Variants in OSBPL6 observed in about 807,000 individuals in gnomAD.
OSBPL6 encodes oxysterol binding protein like 6, also known as oxysterol-binding protein-related protein 6.
In OSBPL6, 49 loss-of-function variants were observed where a neutral mutation model predicts 125.8. That is an observed-to-expected ratio of 0.39 (90% CI 0.31 to 0.49). The LOEUF is 0.49. Ranked by LOEUF, OSBPL6 falls within the 20% of genes least tolerant of loss-of-function variation. OSBPL6 has a pLI of 0.88. For missense variants in OSBPL6, 986 were observed against 1,135.4 expected (o/e 0.87, Z 1.89); for synonymous variants, 394 against 391.8 (o/e 1.01, Z -0.07).
intron 2 of OSBPL6, among the ~76,000 whole-genome samples, chr2:178,286,318 T>TTATG (rs1382673380): frequency 1.3e-5 from 2 of 152,328 alleles, no homozygotes; most frequent in South Asian, 2.1e-4. Flanking sequence ...ATCTTACAGA[T>TTATG]TATGGCACCT....
chr2:178,284,458 C>A (rs1481050287), intron 1 of OSBPL6, among the ~76,000 whole-genome samples: 1 of 152,122 alleles, frequency 6.6e-6, no homozygotes, highest in Admixed American at 6.5e-5. Flanking sequence ...GAGGCTGAGG[C>A]AGGAGAATCA....
chr2:178,319,677 C>A (rs1434082), intron 3 of OSBPL6, among the ~76,000 whole-genome samples: 29,942 of 152,160 alleles, frequency 0.2, 3,123 homozygotes, highest in Admixed American at 0.32. Context: ...AAACCAGTAA[C>A]TATTAACTGC....
chr2:178,227,162 C>T (rs1442469993), intron 1 of OSBPL6, among the ~76,000 whole-genome samples: 3 of 152,008 alleles, frequency 2.0e-5, no homozygotes, highest in Non-Finnish European at 2.9e-5. Flanking sequence ...GGGTATTTTA[C>T]AGTTACAAAA....
chr2:178,292,793 T>C (rs1685405729), intron 2 of OSBPL6, among the ~76,000 whole-genome samples: 3 of 152,088 alleles, frequency 2.0e-5, no homozygotes, highest in African/African-American at 7.2e-5. Context: ...ATAATATAAA[T>C]ACTGCGTGAG....
At chr2:178,333,654 A>T (rs1453108165) in intron 8 of OSBPL6, among the ~76,000 whole-genome samples, 1 of 152,218 alleles carries the variant, frequency 6.6e-6, no homozygotes, top group Non-Finnish European at 1.5e-5. Context: ...GTAAACATTT[A>T]TTTAATCAAC....
intron 1 of OSBPL6, among the ~76,000 whole-genome samples, chr2:178,216,049 C>A (rs1342233501): frequency 3.3e-5 from 5 of 152,140 alleles, no homozygotes; most frequent in African/African-American, 1.2e-4. Flanking sequence ...TTTGAGGGGG[C>A]TGGCTAGGCA....
chr2:178,267,719 A>T (rs2092278866), intron 1 of OSBPL6, among the ~76,000 whole-genome samples: 1 of 152,172 alleles, frequency 6.6e-6, no homozygotes, highest in South Asian at 2.1e-4. Flanking sequence ...TGCACTAGGC[A>T]TTTAACAGCA....
At chr2:178,210,500 C>A (rs1246460551) in intron 1 of OSBPL6, among the ~76,000 whole-genome samples, 2 of 152,122 alleles carry the variant, frequency 1.3e-5, no homozygotes, top group African/African-American at 4.8e-5. Context: ...GCCTTATATA[C>A]AATGGACATA....
intron 3 of OSBPL6, among the ~76,000 whole-genome samples, chr2:178,308,835 C>G (rs905977834): frequency 6.6e-6 from 1 of 152,168 alleles, no homozygotes; most frequent in Non-Finnish European, 1.5e-5. Flanking sequence ...CTCATCACCT[C>G]TACCCAGGAT....
chr2:178,332,387 G>A (rs954317227), intron 6 of OSBPL6, among the ~76,000 whole-genome samples: 1 of 152,178 alleles, frequency 6.6e-6, no homozygotes, highest in Non-Finnish European at 1.5e-5. Context: ...TGAAGAATTA[G>A]TATTACATTC....
intron 10 of OSBPL6, 26 bp downstream of exon 10, chr2:178,339,120 A>G: frequency 1.4e-6 from 2 of 1,447,924 alleles, no homozygotes; most frequent in Non-Finnish European, 1.9e-6. Context: ...CTGCTGGTAA[A>G]AGGACTTAGG....
chr2:178,262,713 G>A (rs1445902381), intron 1 of OSBPL6, among the ~76,000 whole-genome samples: 1 of 152,160 alleles, frequency 6.6e-6, no homozygotes, highest in Non-Finnish European at 1.5e-5. Flanking sequence ...GTGGAAGAGA[G>A]AAATCTGAAT....
At chr2:178,355,808 C>A (rs928224189) in intron 12 of OSBPL6, among the ~76,000 whole-genome samples, 6 of 152,252 alleles carry the variant, frequency 3.9e-5, no homozygotes, top group Non-Finnish European at 8.8e-5. Context: ...AGACCAATAT[C>A]CCTGATGAAC....
intron 12 of OSBPL6, among the ~76,000 whole-genome samples, chr2:178,354,552 T>C (rs1691591744): frequency 6.6e-6 from 1 of 152,126 alleles, no homozygotes; most frequent in South Asian, 2.1e-4. Context: ...CCTAAATATA[T>C]ATACACCCAA....
rs1696058398 is a variant in OSBPL6 at position 178,400,006 on chromosome 2, T to C, written c.*4447T>C. ...TTTCTAGCCATTCCTTCCTCCCAAA[T>C]AGAAGTGAGGGCAATTGTAGAGAGA... is the stretch of plus-strand genomic sequence containing the variant. On this transcript the variant is annotated 3_prime_UTR_variant, in exon 25 of 25. Transcript: ENST00000190611. 6.6e-6 allele frequency: 1 copy of C among 152,168 alleles called. No individual in the cohort carries two copies. The highest frequency in any genetic ancestry group is 1.5e-5 in the Non-Finnish European group (1 of 68,022). The allele number at this position is 152,168 out of a possible 1,614,324, so 9.4% of individuals were successfully genotyped here. A position where few individuals can be genotyped will look rare whatever the true frequency, so the allele number is the denominator to read the frequency against.
intron 5 of OSBPL6, among the ~76,000 whole-genome samples, chr2:178,330,237 G>A (rs1015906979): frequency 6.6e-5 from 10 of 152,110 alleles, no homozygotes; most frequent in African/African-American, 1.9e-4. Context: ...GGAAAAAACC[G>A]TCAAAGAAAC....
At chr2:178,384,291 C>T (rs979523190) in intron 18 of OSBPL6, 115 bp downstream of exon 18, 16 of 1,338,160 alleles carry the variant, frequency 1.2e-5, no homozygotes, top group East Asian at 2.3e-5. Flanking sequence ...GTTGTGAATT[C>T]GAAGTATCTG....
intron 15 of OSBPL6, among the ~76,000 whole-genome samples, chr2:178,379,348 GAGGGAGGGGAAGGAAGGAA>G: frequency 2.3e-5 from 3 of 130,820 alleles, no homozygotes; most frequent in Non-Finnish European, 4.9e-5. Flanking sequence ...GGGAGGGAGG[GAGGGAGGGGAAGGAAGGAA>G]AGGGAGGGAG....
chr2:178,295,508 G>A (rs1404520279), intron 2 of OSBPL6, among the ~76,000 whole-genome samples: 1 of 152,134 alleles, frequency 6.6e-6, no homozygotes, highest in Non-Finnish European at 1.5e-5. Flanking sequence ...GGTTCACAAC[G>A]CCTGAAATAT....
Sources: allele counts gnomAD v4.1 joint callset (sites outside exome capture counted in the v4.1 genomes callset), GRCh38; gene constraint gnomAD v4.1.1; transcripts MANE v1.5; gene names NCBI Gene and HGNC (gene_info 2026-07-23, HGNC 2026-07-21).